Variants in SLCO1B1 observed in about 807,000 individuals in gnomAD.
SLCO1B1 encodes solute carrier organic anion transporter family member 1B1, also known as OATP-2.
SLCO1B1 carries 81 observed loss-of-function variants against 70.1 expected under a neutral mutation model. The observed-to-expected ratio is 1.16, with a 90% CI of 0.97 to 1.39. SLCO1B1 has a LOEUF of 1.39. SLCO1B1 is among the 40% of genes most tolerant of loss of function. The pLI, the probability that SLCO1B1 is intolerant of heterozygous loss-of-function variation, is 0.00. For missense variants in SLCO1B1, 895 were observed against 799.6 expected, an observed-to-expected ratio of 1.12 and a Z score of -1.44; for synonymous variants, 283 against 271.5, an observed-to-expected ratio of 1.04 and a Z score of -0.42.
intron 4 of SLCO1B1, among the ~76,000 whole-genome samples, chr12:21,175,334 C>T (rs1196450634): frequency 6.6e-6 from 1 of 152,056 alleles, no homozygotes; most frequent in Non-Finnish European, 1.5e-5. Flanking sequence ...ACAAACAGTC[C>T]ACACAGGCTG....
chr12:21,140,880 T>G (rs369090761), intron 1 of SLCO1B1, among the ~76,000 whole-genome samples: 5 of 151,938 alleles, frequency 3.3e-5, no homozygotes, highest in African/African-American at 9.7e-5. Flanking sequence ...CATTTTCTCT[T>G]GGAAAAGAAA....
intron 13 of SLCO1B1, among the ~76,000 whole-genome samples, chr12:21,223,963 A>G (rs1941457924): frequency 6.6e-6 from 1 of 152,176 alleles, no homozygotes; most frequent in African/African-American, 2.4e-5. Flanking sequence ...CATGAGCTAC[A>G]AATAAAAATT....
intron 7 of SLCO1B1, among the ~76,000 whole-genome samples, chr12:21,195,730 G>A (rs1313087315): frequency 6.6e-6 from 1 of 152,076 alleles, no homozygotes; most frequent in Non-Finnish European, 1.5e-5. Context: ...CTAAGCTATG[G>A]GCCAGGAGCT....
chr12:21,132,034 T>G (rs10841752), intron 1 of SLCO1B1, among the ~76,000 whole-genome samples: 83,087 of 151,748 alleles, frequency 0.55, 23,730 homozygotes, highest in South Asian at 0.77. Context: ...CCCTTTCCTG[T>G]GTCCATGTGT....
intron 2 of SLCO1B1, among the ~76,000 whole-genome samples, chr12:21,155,062 T>G (rs556868555): frequency 1.3e-5 from 2 of 151,842 alleles, no homozygotes; most frequent in East Asian, 3.9e-4. Context: ...CTTACTTATC[T>G]CTTGTGTTGA....
chr12:21,216,425 AATTT>A, intron 11 of SLCO1B1, among the ~76,000 whole-genome samples: 1 of 152,306 alleles, frequency 6.6e-6, no homozygotes, highest in Non-Finnish European at 1.5e-5. Flanking sequence ...TTTAGAACAG[AATTT>A]ATTAAAGCCA....
At chr12:21,226,141 G>A (rs1455371781) in intron 14 of SLCO1B1, among the ~76,000 whole-genome samples, 1 of 152,182 alleles carries the variant, frequency 6.6e-6, no homozygotes, top group African/African-American at 2.4e-5. Flanking sequence ...TGGGCCTGGT[G>A]CAGTGGCCCA....
At chr12:21,154,102 G>C (rs1346115082) in intron 2 of SLCO1B1, among the ~76,000 whole-genome samples, 1 of 151,006 alleles carries the variant, frequency 6.6e-6, no homozygotes, top group Non-Finnish European at 1.5e-5. Flanking sequence ...CTTTTTTAAT[G>C]CTCCCTTAAA....
chr12:21,150,371 G>T (rs1193291901), intron 2 of SLCO1B1, among the ~76,000 whole-genome samples: 1 of 152,112 alleles, frequency 6.6e-6, no homozygotes, highest in South Asian at 2.1e-4. Flanking sequence ...CCTTAAGTGG[G>T]TCCCTGACTC....
intron 2 of SLCO1B1, among the ~76,000 whole-genome samples, chr12:21,154,239 G>A (rs560156438): frequency 1.3e-5 from 2 of 152,118 alleles, no homozygotes; most frequent in African/African-American, 4.8e-5. Flanking sequence ...TAATCACCAA[G>A]GTGATTCTAT....
intron 7 of SLCO1B1, among the ~76,000 whole-genome samples, chr12:21,187,595 A>G (rs140585817): frequency 1.3e-5 from 2 of 152,292 alleles, no homozygotes; most frequent in East Asian, 1.9e-4. Flanking sequence ...AGTGCTATCA[A>G]AGAAAATCCT....
At chr12:21,232,969 C>T (rs934901987) in intron 14 of SLCO1B1, among the ~76,000 whole-genome samples, 5 of 152,140 alleles carry the variant, frequency 3.3e-5, no homozygotes, top group African/African-American at 1.2e-4. Context: ...AAAAGCTTCT[C>T]ATTTTTGCAA....
chr12:21,238,471 GT>G (rs965311363), intron 14 of SLCO1B1, among the ~76,000 whole-genome samples: 17 of 144,956 alleles, frequency 1.2e-4, no homozygotes, highest in Middle Eastern at 3.5e-3. Context: ...TTCAATCTAT[GT>G]TTTTTTTTTC....
chr12:21,222,057 A>G (rs1941428527), intron 12 of SLCO1B1, among the ~76,000 whole-genome samples: 1 of 152,054 alleles, frequency 6.6e-6, no homozygotes, highest in Non-Finnish European at 1.5e-5. Context: ...CATAAGTACC[A>G]TATGAGAAAA....
At chr12:21,162,875 T>G (rs1271595518) in intron 2 of SLCO1B1, among the ~76,000 whole-genome samples, 1 of 152,206 alleles carries the variant, frequency 6.6e-6, no homozygotes, top group East Asian at 1.9e-4. Context: ...TAACAAGATT[T>G]ATGCTTGTGC....
At chr12:21,193,784 G>C (rs998302930) in intron 7 of SLCO1B1, among the ~76,000 whole-genome samples, 2 of 151,938 alleles carry the variant, frequency 1.3e-5, no homozygotes, top group Admixed American at 6.6e-5. Flanking sequence ...GATGTTCTAA[G>C]TCATTGCTCT....
intron 11 of SLCO1B1, among the ~76,000 whole-genome samples, chr12:21,214,365 A>C (rs1170470741): frequency 6.7e-6 from 1 of 150,236 alleles, no homozygotes; most frequent in Non-Finnish European, 1.5e-5. Context: ...CCTCCCAGTT[A>C]GGCTGCTCAG....
At chr12:21,133,199 T>G (rs1940166809) in intron 1 of SLCO1B1, among the ~76,000 whole-genome samples, 1 of 152,144 alleles carries the variant, frequency 6.6e-6, no homozygotes, top group Non-Finnish European at 1.5e-5. Context: ...TATATCTCTG[T>G]TTTGGTACCA....
At chr12:21,134,243 T>G (rs1414406396) in intron 1 of SLCO1B1, among the ~76,000 whole-genome samples, 1 of 152,230 alleles carries the variant, frequency 6.6e-6, no homozygotes, top group African/African-American at 2.4e-5. Context: ...GCCAGTATTT[T>G]ATTGAGGATT....
Sources: allele counts gnomAD v4.1 joint callset (sites outside exome capture counted in the v4.1 genomes callset), GRCh38; gene constraint gnomAD v4.1.1; transcripts MANE v1.5; gene names NCBI Gene and HGNC (gene_info 2026-07-23, HGNC 2026-07-21).